CTDP1: variants seen among roughly 807,000 people sequenced by gnomAD.
CTDP1 encodes the protein CTD phosphatase 1.
In CTDP1, 47 loss-of-function variants were observed where a neutral mutation model predicts 91.8. The ratio of observed to expected loss-of-function variants is 0.51; its 90% CI spans 0.41 to 0.65. The LOEUF is 0.65. Ranked by LOEUF, CTDP1 falls within the 30% of genes least tolerant of loss-of-function variation. The pLI is 0.00. For missense variants in CTDP1, 1,272 were observed against 1,373.7 expected, an observed-to-expected ratio of 0.93 and a Z score of 1.17; for synonymous variants, 656 against 598.5, an observed-to-expected ratio of 1.10 and a Z score of -1.40.
chr18:79,725,424 T>C lies in CTDP1; in HGVS notation c.2418-3483T>C, dbSNP rs184585896. On this transcript the variant is annotated intron_variant, in intron 10 of 12. Coordinates refer to ENST00000613122, the MANE Select transcript of CTDP1 (RefSeq NM_004715.5). ...TTTTTGCAAGGTTTAAAATTTCATA[T>C]TCATTTTCCTTAACAGTTACAGGGC... 3.3e-5 allele frequency among the ~76,000 whole-genome samples: 5 copies of C among 152,320 alleles called. No individual in the cohort carries two copies. In the East Asian group the frequency reaches 9.7e-4, roughly 29 times the overall value.
At chr18:79,696,781 T>C (rs986356812) in intron 3 of CTDP1, among the ~76,000 whole-genome samples, 2 of 152,082 alleles carry the variant, frequency 1.3e-5, no homozygotes, top group Non-Finnish European at 2.9e-5. Context: ...ATTTCAGGAG[T>C]TGCTGGGGCA....
At chr18:79,748,930 G>A (rs567951025) in intron 12 of CTDP1, among the ~76,000 whole-genome samples, 1 of 152,244 alleles carries the variant, frequency 6.6e-6, no homozygotes, top group South Asian at 2.1e-4. Flanking sequence ...CTGTGTGTGA[G>A]CCGTGTTGGT....
rs140291309 is a variant in CTDP1 at position 79,741,714 on chromosome 18, G to A, written c.2747+5193G>A. 2.7e-4 allele frequency among the ~76,000 whole-genome samples: 41 copies of A among 152,348 alleles called. No individual in the cohort carries two copies. In the East Asian group the frequency reaches 3.7e-3, roughly 14 times the overall value. The stretch of plus-strand genomic sequence containing the variant: ...TCAGCCTGCGTGGGAGACACAGGGC[G>A]GCAGGCAGGGTCCTTCTGAGGTTCA... On this transcript the variant is annotated intron_variant, in intron 12 of 12. Coordinates refer to ENST00000613122, the MANE Select transcript of CTDP1 (RefSeq NM_004715.5).
At chr18:79,716,364 G>A (rs2086208583) in intron 8 of CTDP1, among the ~76,000 whole-genome samples, 1 of 152,226 alleles carries the variant, frequency 6.6e-6, no homozygotes. Context: ...ACGTATCATG[G>A]GGCGTTGGAC....
At chr18:79,690,773 C>T (rs895937289) in intron 1 of CTDP1, among the ~76,000 whole-genome samples, 1 of 152,188 alleles carries the variant, frequency 6.6e-6, no homozygotes, top group Admixed American at 6.5e-5. Flanking sequence ...GGTGTGATAT[C>T]CAGGAGTGTC....
At chr18:79,680,509 C>G (rs1019028482) in intron 1 of CTDP1, among the ~76,000 whole-genome samples, 1 of 152,224 alleles carries the variant, frequency 6.6e-6, no homozygotes, top group Non-Finnish European at 1.5e-5. Flanking sequence ...TTTGGAAAAG[C>G]TATGTTTGTT....
chr18:79,696,511 G>A (rs1452010470), intron 3 of CTDP1, among the ~76,000 whole-genome samples: 4 of 152,092 alleles, frequency 2.6e-5, no homozygotes, highest in Non-Finnish European at 4.4e-5. Flanking sequence ...CGAGGAGTCG[G>A]TGGCCGGGGG....
At position 79,713,995 on chromosome 18, in the gene CTDP1, TGGTGCCAGGTCTGCAGGGGCTTAC is replaced by T. The variant is rs2086138568; in HGVS notation, c.1031-493_1031-470del. On this transcript the variant is annotated intron_variant, in intron 7 of 12. Transcript: ENST00000613122. This position sits in a 1 kb window ranked among gnomAD's most constrained non-coding sequence, Gnocchi z 4.7. ...GGTCTGCAGGGGCTTACGGCCACGG[TGGTGCCAGGTCTGCAGGGGCTTAC>T]GGCCACGGTGGCGCCAGGTCGTCAG... Among the ~76,000 whole-genome samples the T allele has an allele frequency of 1.8e-5, 2 of 110,348 alleles. No homozygotes were observed. The highest frequency in any genetic ancestry group is 8.7e-5 in the Admixed American group (1 of 11,430). 72.4% of individuals were successfully genotyped at this position (110,348 alleles called of 152,430 possible).
chr18:79,711,130 T>C (rs2086075646), intron 6 of CTDP1, among the ~76,000 whole-genome samples: 1 of 152,082 alleles, frequency 6.6e-6, no homozygotes, highest in Admixed American at 6.5e-5. Context: ...CAATTCGATG[T>C]CAGCCCGCCA....
At chr18:79,709,303 T>C (rs1456716692) in intron 5 of CTDP1, among the ~76,000 whole-genome samples, 1 of 152,210 alleles carries the variant, frequency 6.6e-6, no homozygotes, top group Non-Finnish European at 1.5e-5. Flanking sequence ...TTTAAAAATA[T>C]GAGCACTTTA....
intron 5 of CTDP1, among the ~76,000 whole-genome samples, chr18:79,709,529 G>A (rs149454516): frequency 5.3e-5 from 8 of 152,332 alleles, no homozygotes; most frequent in African/African-American, 9.6e-5. Flanking sequence ...TGAGCATCAA[G>A]CATGTGAAGC....
intron 10 of CTDP1, among the ~76,000 whole-genome samples, chr18:79,724,250 C>T (rs1324540737): frequency 2.0e-5 from 3 of 152,198 alleles, no homozygotes; most frequent in Non-Finnish European, 4.4e-5. Context: ...AATCCAAAAT[C>T]GGAAACACTT....
intron 10 of CTDP1, 36 bp from the exon 11 acceptor site, chr18:79,728,871 A>T: frequency 1.9e-6 from 3 of 1,612,272 alleles, no homozygotes; most frequent in Non-Finnish European, 2.5e-6. Context: ...ATTCGAACTG[A>T]CCTTCCTCAT....
Position 79,714,762 on chromosome 18 carries a change from G to A in CTDP1, c.1302G>A (p.Arg434=), listed in dbSNP as rs1469769682. 1.2e-6 allele frequency: 2 copies of A among 1,601,864 alleles called. No individual in the cohort carries two copies. The highest frequency in any genetic ancestry group is 1.1e-5 in the South Asian group (1 of 89,704). ...EPQGSCAQGG[R]VAPGQRPAQG... is the part of the protein sequence containing the mutation. Reference sequence around the variant, plus strand: ...AGGGATCCTGTGCGCAGGGTGGCCGGGTGGCACCGGGACAGCGGCCTGCCC... The same window carrying A: ...AGGGATCCTGTGCGCAGGGTGGCCGAGTGGCACCGGGACAGCGGCCTGCCC... Residue 434 remains arginine, a synonymous_variant, in exon 8 of 13, where the codon CGG becomes CGA. Coordinates refer to ENST00000613122, the MANE Select transcript of CTDP1 (RefSeq NM_004715.5).
chr18:79,738,156 C>T (rs904783931), intron 12 of CTDP1, among the ~76,000 whole-genome samples: 1 of 152,190 alleles, frequency 6.6e-6, no homozygotes, highest in Non-Finnish European at 1.5e-5. Context: ...TCCATACGTC[C>T]GCAGTCAGCG....
chr18:79,681,375 A>T (rs1172136425), intron 1 of CTDP1: 3 of 840,630 alleles, frequency 3.6e-6, no homozygotes, highest in Non-Finnish European at 4.3e-6. Flanking sequence ...CTCAGTGGGC[A>T]CTGGCCGTAC....
At chr18:79,695,884 AAACATCAGCT>A in intron 2 of CTDP1, 83 bp from the exon 3 acceptor site, 1 of 1,023,346 alleles carries the variant, frequency 9.8e-7, no homozygotes. Flanking sequence ...GTGTCCGTTA[AAACATCAGCT>A]AGAATCCTGT....
Position 79,714,846 on chromosome 18 carries a change from T to C in CTDP1, c.1386T>C (p.Ser462=), listed in dbSNP as rs577869712. The change falls in exon 8 of 13, where the codon AGT becomes AGC. Residue 462 remains serine, a synonymous_variant. Transcript: ENST00000613122. The stretch of plus-strand genomic sequence containing the variant: ...TATCCAGCGACAGCGAGAGCAGCAG[T>C]GAGTCCGAGGGCACGAAGTCCTCCT... The part of the protein sequence containing the change: ...FDLSSDSESS[S]ESEGTKSSSS... 1 of 1,593,978 alleles carries C rather than the reference T, an allele frequency of 6.3e-7. No individual in the cohort carries two copies. The highest frequency in any genetic ancestry group is 1.8e-5 in the Admixed American group (1 of 56,150).
chr18:79,682,765 G>A (rs1442065635), intron 1 of CTDP1, among the ~76,000 whole-genome samples: 1 of 152,132 alleles, frequency 6.6e-6, no homozygotes. Context: ...CCTGCAGCCC[G>A]TCCCCCGTGA....
Sources: allele counts gnomAD v4.1 joint callset (sites outside exome capture counted in the v4.1 genomes callset), GRCh38; gene constraint gnomAD v4.1.1; non-coding constraint Gnocchi (gnomAD v3.1); transcripts MANE v1.5; gene names NCBI Gene and HGNC (gene_info 2026-07-23, HGNC 2026-07-21).